ARL15: variants seen among roughly 807,000 people sequenced by gnomAD.
ARL15 encodes the protein ARF like GTPase 15, also known as ADP-ribosylation factor-like protein 15.
ARL15 carries 19 observed loss-of-function variants against 25.2 expected under a neutral mutation model. That is an observed-to-expected ratio of 0.75 (90% CI 0.53 to 1.10). ARL15 has a LOEUF of 1.10. Ranked by LOEUF, ARL15 falls within the 50% of genes least tolerant of loss-of-function variation. The pLI, the probability that ARL15 is intolerant of heterozygous loss-of-function variation, is 0.00. For synonymous variants in ARL15, 94 were observed against 86.8 expected, an observed-to-expected ratio of 1.08 and a Z score of -0.46; for missense variants, 220 against 246.0, an observed-to-expected ratio of 0.89 and a Z score of 0.71.
At chr5:54,264,623 C>T (rs7720558) in intron 1 of ARL15, among the ~76,000 whole-genome samples, 6,854 of 152,160 alleles carry the variant, frequency 0.045, 378 homozygotes, top group African/African-American at 0.13. Context: ...ACTCTTTCTG[C>T]TTCAGCCATT....
intron 4 of ARL15, among the ~76,000 whole-genome samples, chr5:54,102,516 C>T (rs1161098738): frequency 6.6e-6 from 1 of 152,026 alleles, no homozygotes; most frequent in African/African-American, 2.4e-5. Flanking sequence ...TACATTGTAC[C>T]TCCATCTCAA....
At chr5:53,902,459 G>C (rs1253146872) in intron 4 of ARL15, among the ~76,000 whole-genome samples, 1 of 152,162 alleles carries the variant, frequency 6.6e-6, no homozygotes, top group African/African-American at 2.4e-5. Flanking sequence ...ATACACACAA[G>C]GTTATTTGGC....
At chr5:54,267,777 AG>A (rs1459195401) in intron 1 of ARL15, among the ~76,000 whole-genome samples, 1 of 152,120 alleles carries the variant, frequency 6.6e-6, no homozygotes, top group Non-Finnish European at 1.5e-5. Flanking sequence ...CTTTTCTTTA[AG>A]AATGTTGAAT....
At chr5:54,208,132 A>T (rs567298783) in intron 1 of ARL15, among the ~76,000 whole-genome samples, 3 of 152,182 alleles carry the variant, frequency 2.0e-5, no homozygotes, top group Non-Finnish European at 4.4e-5. Flanking sequence ...CAAGAGAGAA[A>T]ACCTAAAGAT....
At chr5:54,036,626 A>G (rs748986890) in intron 4 of ARL15, among the ~76,000 whole-genome samples, 1 of 152,208 alleles carries the variant, frequency 6.6e-6, no homozygotes, top group African/African-American at 2.4e-5. Flanking sequence ...AATGAGAAGC[A>G]CTTGTAAAGA....
At chr5:53,917,227 G>A (rs1200371741) in intron 4 of ARL15, among the ~76,000 whole-genome samples, 2 of 152,182 alleles carry the variant, frequency 1.3e-5, no homozygotes, top group African/African-American at 4.8e-5. Flanking sequence ...CATTAAGTGT[G>A]TCTCTGATAT....
intron 4 of ARL15, among the ~76,000 whole-genome samples, chr5:54,020,266 AG>A (rs1251678740): frequency 6.6e-6 from 1 of 152,132 alleles, no homozygotes; most frequent in African/African-American, 2.4e-5. Context: ...GTGTCAGCGG[AG>A]GCCTACTAGT....
intron 1 of ARL15, among the ~76,000 whole-genome samples, chr5:54,215,465 C>T (rs908337703): frequency 3.9e-5 from 6 of 152,110 alleles, no homozygotes; most frequent in African/African-American, 9.7e-5. Context: ...CAATAAGCGC[C>T]GACCCAGCGC....
At chr5:53,916,103 C>T (rs1182752060) in intron 4 of ARL15, among the ~76,000 whole-genome samples, 3 of 151,950 alleles carry the variant, frequency 2.0e-5, no homozygotes, top group Non-Finnish European at 2.9e-5. Flanking sequence ...TGTAGAGAGA[C>T]TGTCTTGAAC....
At chr5:54,074,357 T>C (rs772295936) in intron 4 of ARL15, among the ~76,000 whole-genome samples, 10 of 152,194 alleles carry the variant, frequency 6.6e-5, no homozygotes, top group Admixed American at 1.3e-4. Flanking sequence ...ATCATTTCTG[T>C]TCCTTTTCTC....
At chr5:54,181,003 C>A (rs1755040520) in intron 1 of ARL15, among the ~76,000 whole-genome samples, 1 of 152,134 alleles carries the variant, frequency 6.6e-6, no homozygotes, top group Non-Finnish European at 1.5e-5. Flanking sequence ...CGATCAGTGG[C>A]TTTCAAGAGT....
intron 3 of ARL15, among the ~76,000 whole-genome samples, chr5:54,115,038 C>T (rs1191835029): frequency 1.3e-5 from 2 of 152,138 alleles, no homozygotes; most frequent in African/African-American, 4.8e-5. Context: ...CTTCTCTTCC[C>T]AACTCTGTGC....
intron 4 of ARL15, among the ~76,000 whole-genome samples, chr5:54,066,809 CTTA>C (rs1162773074): frequency 1.4e-4 from 22 of 152,094 alleles, no homozygotes; most frequent in African/African-American, 4.6e-4. Flanking sequence ...GTTAAATTGT[CTTA>C]CTATACAAGA....
chr5:54,150,383 T>C (rs540039248), intron 3 of ARL15, among the ~76,000 whole-genome samples: 7 of 152,272 alleles, frequency 4.6e-5, no homozygotes, highest in Admixed American at 2.0e-4. Flanking sequence ...AGAGTTTGAC[T>C]TGAAAGATCT....
intron 1 of ARL15, among the ~76,000 whole-genome samples, chr5:54,233,737 C>T (rs187428660): frequency 1.3e-5 from 2 of 152,324 alleles, no homozygotes; most frequent in East Asian, 3.9e-4. Flanking sequence ...CAGAAGACTA[C>T]TCACAATTAT....
chr5:54,208,179 C>A (rs1227120990), intron 1 of ARL15, among the ~76,000 whole-genome samples: 1 of 152,028 alleles, frequency 6.6e-6, no homozygotes, highest in Non-Finnish European at 1.5e-5. Flanking sequence ...CAGCCAAATA[C>A]CCACGGGAGA....
At chr5:53,920,001 GGTAAA>G (rs1459465801) in intron 4 of ARL15, among the ~76,000 whole-genome samples, 1 of 152,088 alleles carries the variant, frequency 6.6e-6, no homozygotes, top group Non-Finnish European at 1.5e-5. Context: ...CACAAATATA[GGTAAA>G]GTATTTAGCA....
intron 4 of ARL15, among the ~76,000 whole-genome samples, chr5:53,913,290 GATAT>G (rs1745524887): frequency 1.1e-4 from 16 of 152,296 alleles, no homozygotes; most frequent in Admixed American, 7.8e-4. Flanking sequence ...GCAACAGAGT[GATAT>G]TCTGTGTCAA....
intron 1 of ARL15, among the ~76,000 whole-genome samples, chr5:54,255,660 T>A (rs573281403): frequency 2.6e-5 from 4 of 152,302 alleles, no homozygotes; most frequent in Non-Finnish European, 5.9e-5. Context: ...ATACCACATA[T>A]GGAGAATTCC....
Sources: gnomAD v4.1 joint callset for allele counts (sites outside exome capture counted in the v4.1 genomes callset) on GRCh38, gnomAD v4.1.1 for gene constraint, MANE v1.5 for transcripts, NCBI Gene and HGNC (gene_info 2026-07-23, HGNC 2026-07-21) for gene names.